Variants in XKR9 observed in about 807,000 individuals in gnomAD.
The protein encoded by XKR9 is XK-related protein 9.
Under a neutral mutation model 32.0 loss-of-function variants are expected in XKR9, and 32 were observed. The observed-to-expected ratio is 1.00, with a 90% CI of 0.76 to 1.34. The LOEUF is 1.34. Among genes scored for constraint, XKR9 ranks in the 40% most tolerant of loss-of-function variants. The pLI is 0.00. For synonymous variants in XKR9, 168 were observed against 143.4 expected (o/e 1.17, Z -1.22); for missense variants, 546 against 429.7 (o/e 1.27, Z -2.39).
the XKR9 span, among the ~76,000 whole-genome samples, chr8:70,933,414 T>C: frequency 4.0e-4 from 61 of 151,732 alleles, no homozygotes; most frequent in African/African-American, 1.4e-3. Flanking sequence ...GTAGTCAGAG[T>C]TGGAGATGAA....
chr8:71,010,959 T>C, the XKR9 span, among the ~76,000 whole-genome samples: 3 of 152,190 alleles, frequency 2.0e-5, no homozygotes, highest in Non-Finnish European at 2.9e-5. Context: ...GAAAAATAGA[T>C]AGATGGCGTG....
chr8:70,779,219 T>A (rs563319158), intron 2 of XKR9, among the ~76,000 whole-genome samples: 2 of 152,046 alleles, frequency 1.3e-5, no homozygotes, highest in Non-Finnish European at 2.9e-5. Context: ...AATCACGTGG[T>A]TTTTTGTCGT....
intron 4 of XKR9, among the ~76,000 whole-genome samples, chr8:70,727,823 C>A (rs573662327): frequency 6.6e-5 from 10 of 151,804 alleles, no homozygotes; most frequent in Admixed American, 6.6e-4. Context: ...TGAATCAGTT[C>A]TTGGGTGGGG....
the XKR9 span, among the ~76,000 whole-genome samples, chr8:70,919,237 A>G: frequency 9.5e-4 from 145 of 152,322 alleles, no homozygotes; most frequent in East Asian, 9.6e-4. Context: ...AAAGGAAATA[A>G]TATATATCAT....
chr8:70,756,330 T>G (rs1404213994), intron 2 of XKR9, among the ~76,000 whole-genome samples: 1 of 152,242 alleles, frequency 6.6e-6, no homozygotes, highest in Non-Finnish European at 1.5e-5. Flanking sequence ...ATTTTCAGCA[T>G]TATTTTAATT....
intron 2 of XKR9, among the ~76,000 whole-genome samples, chr8:70,746,407 G>A (rs1165454389): frequency 6.9e-6 from 1 of 145,752 alleles, no homozygotes; most frequent in African/African-American, 2.5e-5. Context: ...AACAAATAAA[G>A]TAAAATATAT....
intron 2 of XKR9, among the ~76,000 whole-genome samples, chr8:70,758,944 C>G (rs747281658): frequency 3.3e-5 from 5 of 152,212 alleles, no homozygotes; most frequent in African/African-American, 4.8e-5. Context: ...TACTTGTGAC[C>G]GTTTAGGATG....
the XKR9 span, among the ~76,000 whole-genome samples, chr8:70,886,801 A>T: frequency 6.6e-6 from 1 of 151,682 alleles, no homozygotes; most frequent in African/African-American, 2.4e-5. Context: ...TGTCAGGTGG[A>T]GAGATTGCAA....
the XKR9 span, among the ~76,000 whole-genome samples, chr8:70,812,369 T>A: frequency 6.6e-6 from 1 of 152,204 alleles, no homozygotes; most frequent in Non-Finnish European, 1.5e-5. Context: ...GCTTTCTCTT[T>A]GAAAACTGGC....
chr8:71,005,968 A>G, the XKR9 span, among the ~76,000 whole-genome samples: 1 of 152,256 alleles, frequency 6.6e-6, no homozygotes, highest in Non-Finnish European at 1.5e-5. Flanking sequence ...TAAAGAAGAT[A>G]GTGAGTTTGG....
rs1483904759 is a variant in XKR9 at position 70,733,794 on chromosome 8, A to G, written c.494-2A>G. The G allele has an allele frequency of 1.3e-6, 2 of 1,545,260 alleles. No homozygotes were observed. The highest frequency in any genetic ancestry group is 1.4e-5 in the African/African-American group (1 of 71,862). On this transcript the variant is annotated splice_acceptor_variant, in intron 4 of 4. Coordinates refer to ENST00000408926, the MANE Select transcript of XKR9 (RefSeq NM_001011720.2). LOFTEE classifies it high-confidence loss of function. ...TATATTTTTTATTTTTTTGTTTTGT[A>G]GATGCGGCCATCATGGTCTCTTGCT... is the stretch of plus-strand genomic sequence containing the variant.
At chr8:70,670,097 T>A (rs1818657687) in intron 1 of XKR9, among the ~76,000 whole-genome samples, 1 of 152,224 alleles carries the variant, frequency 6.6e-6, no homozygotes, top group Non-Finnish European at 1.5e-5. Context: ...AGGTGGACAC[T>A]ATTTTTGTTA....
chr8:70,764,656 T>C (rs1260162255), intron 2 of XKR9, among the ~76,000 whole-genome samples: 1 of 152,134 alleles, frequency 6.6e-6, no homozygotes, highest in African/African-American at 2.4e-5. Flanking sequence ...GTTTGTTACA[T>C]AGGTATACAT....
the XKR9 span, among the ~76,000 whole-genome samples, chr8:70,927,018 G>A: frequency 3.3e-5 from 5 of 151,928 alleles, no homozygotes; most frequent in African/African-American, 1.2e-4. Flanking sequence ...TCCATTTTAT[G>A]TATTTATGAG....
chr8:70,962,471 T>C, the XKR9 span, among the ~76,000 whole-genome samples: 2 of 152,218 alleles, frequency 1.3e-5, no homozygotes, highest in South Asian at 4.1e-4. Context: ...TTTGGTTTTC[T>C]GTTCCTGCAT....
downstream of XKR9, among the ~76,000 whole-genome samples, chr8:70,792,272 C>T (rs1807773914): frequency 6.6e-6 from 1 of 152,068 alleles, no homozygotes; most frequent in Non-Finnish European, 1.5e-5. Flanking sequence ...TCTCCAAGGG[C>T]TCAGAGTCTA....
chr8:70,708,254 G>C (rs1219754115), intron 4 of XKR9, among the ~76,000 whole-genome samples: 2 of 151,986 alleles, frequency 1.3e-5, no homozygotes, highest in Non-Finnish European at 2.9e-5. Context: ...TCTGAAACTA[G>C]AGGTACAAAA....
chr8:71,054,317 T>G, the XKR9 span, among the ~76,000 whole-genome samples: 1 of 152,256 alleles, frequency 6.6e-6, no homozygotes, highest in Non-Finnish European at 1.5e-5. Flanking sequence ...TCACCTATTT[T>G]GTGGGAACTT....
chr8:70,712,523 C>A (rs1041229562), intron 4 of XKR9, among the ~76,000 whole-genome samples: 10 of 152,108 alleles, frequency 6.6e-5, no homozygotes, highest in African/African-American at 2.2e-4. Flanking sequence ...AATTATAATC[C>A]ATAAAACTGG....
Sources: gnomAD v4.1 joint callset for allele counts (sites outside exome capture counted in the v4.1 genomes callset) on GRCh38, gnomAD v4.1.1 for gene constraint, MANE v1.5 for transcripts, NCBI Gene and HGNC (gene_info 2026-07-23, HGNC 2026-07-21) for gene names.